Variants in TAPBP observed in about 807,000 individuals in gnomAD.
TAPBP encodes tapasin.
Under a neutral mutation model 45.7 loss-of-function variants are expected in TAPBP, and 38 were observed. That is an observed-to-expected ratio of 0.83 (90% confidence interval 0.64 to 1.09). The LOEUF is 1.09. TAPBP is among the 50% of genes least tolerant of loss of function. TAPBP has a pLI of 0.00. For synonymous variants in TAPBP, 226 were observed against 254.8 expected, an observed-to-expected ratio of 0.89 and a Z score of 1.08; for missense variants, 513 against 587.3, an observed-to-expected ratio of 0.87 and a Z score of 1.31.
intron 3 of TAPBP, among the ~76,000 whole-genome samples, chr6:33,311,362 G>C (rs1769328456): frequency 6.6e-6 from 1 of 152,092 alleles, no homozygotes; most frequent in Non-Finnish European, 1.5e-5. Flanking sequence ...AGGCGCAGTG[G>C]CTCACGCTTG....
At chr6:33,307,086 A>G (rs1308681850) in intron 3 of TAPBP, among the ~76,000 whole-genome samples, 1 of 152,016 alleles carries the variant, frequency 6.6e-6, no homozygotes, top group Non-Finnish European at 1.5e-5. Context: ...TCAGGAGTTC[A>G]AGACCAGCCT....
chr6:33,313,220 T>G lies in TAPBP; in HGVS notation c.466A>C (p.Thr156Pro), dbSNP rs1230503859. 3 of 1,605,764 alleles carry G rather than the reference T, an allele frequency of 1.9e-6. No homozygotes were observed. The highest frequency in any genetic ancestry group is 2.6e-6 in the Non-Finnish European group (3 of 1,173,312). The change falls in exon 3 of 8, where the codon ACA (threonine) becomes CCA (proline). Residue 156 changes from threonine (T) to proline (P), a missense_variant. Physicochemically the swap from Thr to Pro is conservative, Grantham distance 38. Coordinates refer to ENST00000434618, the MANE Select transcript of TAPBP (RefSeq NM_003190.5). The surrounding 1 kb of genome is among the most constrained non-coding windows in gnomAD (Gnocchi z 7.2). ...TCCACCTCCCCTCCCCAGCTACCTG[T>G]TGCCATGGTGATGAGAACAGGCTCC... ...QQEPVLITMA[T>P]VVLTVLTHTP...
At position 33,305,035 on chromosome 6, in the gene TAPBP, G is replaced by C. The variant is rs552626689; in HGVS notation, c.822C>G (p.His274Gln). The change falls in exon 4 of 8, where the codon CAC becomes CAG. Residue 274 changes from histidine to glutamine, a missense_variant. Transcript: ENST00000434618. The surrounding 1 kb of genome is among the most constrained non-coding windows in gnomAD (Gnocchi z 4.4). ...FQEGTYLATI[H>Q]LPYLQGQVTL... ...TGACCTGTCCTTGCAGGTATGGCAG[G>C]TGTATGGTGGCCAGATAGGTGCCCT... 6.2e-7 allele frequency: 1 copy of C among 1,614,206 alleles called. No individual in the cohort carries two copies. Among genetic ancestry groups the C allele is most frequent in the Middle Eastern group, 1.7e-4 (1 of 6,060 alleles).
chr6:33,313,624 G>A lies in TAPBP; in HGVS notation c.208+70C>T. ...GAAGCTGAGGCCTGAGGTCACTGCC[G>A]GATCTAAAGAGGAGGGGGTTTCGGT... On this transcript the variant is annotated intron_variant, in intron 2 of 7. Transcript: ENST00000434618. This position sits in a 1 kb window ranked among gnomAD's most constrained non-coding sequence, Gnocchi z 7.2. The A allele has an allele frequency of 1.3e-6, 2 of 1,563,888 alleles. No individual in the cohort carries two copies. Among genetic ancestry groups the A allele is most frequent in the Non-Finnish European group, 1.7e-6 (2 of 1,152,004 alleles).
Position 33,313,886 on chromosome 6 carries a change from G to C in TAPBP, c.38-22C>G. 1.2e-6 allele frequency: 2 copies of C among 1,613,368 alleles called. No homozygotes were observed. The highest frequency in any genetic ancestry group is 1.7e-6 in the Non-Finnish European group (2 of 1,179,786). On this transcript the variant is annotated intron_variant, in intron 1 of 7. Transcript: ENST00000434618. This position sits in a 1 kb window ranked among gnomAD's most constrained non-coding sequence, Gnocchi z 7.2. ...AGGCCTGGCGTATAGGGACGCGAGT[G>C]AGGAGCGGTTTGTATGTCTGGTGAC... is the stretch of plus-strand genomic sequence containing the variant.
rs1239449531 is a variant in TAPBP at position 33,313,824 on chromosome 6, CT to C, written c.77del (p.Glu26GlyfsTer68). The C allele has an allele frequency of 9.9e-6, 16 of 1,613,920 alleles. No homozygotes were observed. The African/African-American group carries it at 1.6e-4, about 16-fold the overall frequency. ...CGCTCGCATCCTCCACGAACCAACA[CT>C]CGATCACCGCGGGTCCTGCTGAGAC... ...TAVSAGPAVI[E>X]CWFVEDASGK... On this transcript the variant is annotated frameshift_variant, in exon 2 of 8. Transcript: ENST00000434618. LOFTEE classifies it high-confidence loss of function. This position sits in a 1 kb window ranked among gnomAD's most constrained non-coding sequence, Gnocchi z 7.2.
At position 33,301,729 on chromosome 6, in the gene TAPBP, G is replaced by A. The variant is rs767224475; in HGVS notation, c.*31C>T. 6.2e-7 allele frequency: 1 copy of A among 1,603,162 alleles called. No homozygotes were observed. The highest frequency in any genetic ancestry group is 1.1e-5 in the South Asian group (1 of 90,848). On this transcript the variant is annotated 3_prime_UTR_variant, in exon 8 of 8. Coordinates refer to ENST00000434618, the MANE Select transcript of TAPBP (RefSeq NM_003190.5). Reference sequence around the variant, plus strand: ...TACAGAAGCTTGGGCCAGAGATGATGGTGGCTTCCACAGGATGGCAGTGAG... The same window carrying A: ...TACAGAAGCTTGGGCCAGAGATGATAGTGGCTTCCACAGGATGGCAGTGAG...
Position 33,304,554 on chromosome 6 carries a change from G to C in TAPBP, c.953C>G (p.Ser318Cys), listed in dbSNP as rs762671269. The part of the protein sequence containing the change: ...EAPPELLCLV[S>C]HFYPSGGLEV... ...CAGGCCCCCAGAAGGGTAGAAGTGG[G>C]ACACAAGGCAGAGCAATTCCGGGGG... Residue 318 changes from serine to cysteine, a missense_variant, in exon 5 of 8, where the codon TCC becomes TGC. Coordinates refer to ENST00000434618, the MANE Select transcript of TAPBP (RefSeq NM_003190.5). The C allele has an allele frequency of 3.1e-6, 5 of 1,609,954 alleles. No homozygotes were observed. The highest frequency in any genetic ancestry group is 4.2e-6 in the Non-Finnish European group (5 of 1,179,842).
In TAPBP at chr6:33,313,668, G is replaced by A. The variant is rs773831269; in HGVS notation, c.208+26C>T. 1 of 1,596,468 alleles carries A rather than the reference G, an allele frequency of 6.3e-7. No homozygotes were observed. The highest frequency in any genetic ancestry group is 1.7e-5 in the Admixed American group (1 of 59,106). On this transcript the variant is annotated intron_variant, in intron 2 of 7. Transcript: ENST00000434618. This position sits in a 1 kb window ranked among gnomAD's most constrained non-coding sequence, Gnocchi z 7.2. ...TTTCGGTGGAGGCGACAGAGGTAGGGGGGCGGCGAGTCCCTAGAGACTCAC... is the reference window on the plus strand; with the variant it reads ...TTTCGGTGGAGGCGACAGAGGTAGGAGGGCGGCGAGTCCCTAGAGACTCAC...
At chr6:33,303,881 C>T in intron 7 of TAPBP, 74 bp downstream of exon 7, 1 of 1,613,840 alleles carries the variant, frequency 6.2e-7, no homozygotes, top group Non-Finnish European at 8.5e-7. Flanking sequence ...CCAGCAGCCT[C>T]CCTCCATGGG....
chr6:33,308,661 C>T (rs114767372), intron 3 of TAPBP, among the ~76,000 whole-genome samples: 8 of 152,310 alleles, frequency 5.3e-5, no homozygotes, highest in Non-Finnish European at 8.8e-5. Context: ...GGACCACATG[C>T]AGCCAAGGAC....
chr6:33,312,431 AC>A (rs1041020658), intron 3 of TAPBP, among the ~76,000 whole-genome samples: 16 of 152,080 alleles, frequency 1.1e-4, no homozygotes, highest in Admixed American at 7.9e-4. Context: ...CCGGTATTCT[AC>A]CCCGGAATAC....
In TAPBP at chr6:33,313,018, G is replaced by T. The variant is rs865923592; in HGVS notation, c.469+199C>A. 7,375 of 371,438 alleles carry T rather than the reference G, an allele frequency of 0.02. 53 individuals are homozygous for T. Among genetic ancestry groups the T allele is most frequent in the African/African-American group, 0.047 (1,928 of 41,306 alleles). The allele number at this position is 371,438 out of a possible 1,614,324, so 23.0% of individuals were successfully genotyped here. ...CCTGCCAAGCTGCAGTTTTTTTTTT[G>T]TTTTTTTTTTTTAACTGGGTGAGGG... On this transcript the variant is annotated intron_variant, in intron 3 of 7. Coordinates refer to ENST00000434618, the MANE Select transcript of TAPBP (RefSeq NM_003190.5). This position sits in a 1 kb window ranked among gnomAD's most constrained non-coding sequence, Gnocchi z 7.2.
In TAPBP at chr6:33,301,516, G is replaced by T; in HGVS notation, c.*244C>A. On this transcript the variant is annotated 3_prime_UTR_variant, in exon 8 of 8. Transcript: ENST00000434618. ...TTGAACCCAGGAGGCGGAGGTTGCA[G>T]TAAGCCAAGATCATGCCACTGCACT... is the stretch of plus-strand genomic sequence containing the variant. 2.0e-6 allele frequency: 1 copy of T among 503,876 alleles called. No homozygotes were observed. Among genetic ancestry groups the T allele is most frequent in the Non-Finnish European group, 3.5e-6 (1 of 286,710 alleles). The allele number at this position is 503,876 out of a possible 1,614,324, so 31.2% of individuals were successfully genotyped here.
At position 33,313,728 on chromosome 6, in the gene TAPBP, C is replaced by T. The variant is rs45501592; in HGVS notation, c.174G>A (p.Pro58=). 3 of 1,613,248 alleles carry T rather than the reference C, an allele frequency of 1.9e-6. No homozygotes were observed. The highest frequency in any genetic ancestry group is 2.5e-6 in the Non-Finnish European group (3 of 1,179,928). The part of the protein sequence containing the change: ...RQGPGEPPPR[P]DLDPELYLSV... ...TGAGATAGAGCTCAGGGTCGAGGTC[C>T]GGCCGGGGCGGCGGTTCCCCCGGTC... The change falls in exon 2 of 8, where the codon CCG becomes CCA. Residue 58 remains proline (P), a synonymous_variant. Transcript: ENST00000434618. This position sits in a 1 kb window ranked among gnomAD's most constrained non-coding sequence, Gnocchi z 7.2.
At position 33,305,309 on chromosome 6, in the gene TAPBP, G is replaced by A. The variant is rs1280495430; in HGVS notation, c.548C>T (p.Ala183Val). ...GGCCTCGGAGGTGGGGGGCATGTAG[G>A]CAAAGCTCAAGTCCAGCAGAGCATC... ...GQDALLDLSF[A>V]YMPPTSEAAS... The change falls in exon 4 of 8, where the codon GCC (alanine) becomes GTC (valine). Residue 183 changes from alanine to valine, a missense_variant. By Grantham distance (64) the Ala-to-Val change is moderately conservative. Transcript: ENST00000434618. This position sits in a 1 kb window ranked among gnomAD's most constrained non-coding sequence, Gnocchi z 4.4. The A allele has an allele frequency of 6.4e-7, 1 of 1,567,798 alleles. No individual in the cohort carries two copies. The highest frequency in any genetic ancestry group is 2.2e-5 in the East Asian group (1 of 44,640).
At position 33,313,514 on chromosome 6, in the gene TAPBP, C is replaced by T. The variant is rs1310802276; in HGVS notation, c.209-37G>A. On this transcript the variant is annotated intron_variant, in intron 2 of 7. Coordinates refer to ENST00000434618, the MANE Select transcript of TAPBP (RefSeq NM_003190.5). The surrounding 1 kb of genome is among the most constrained non-coding windows in gnomAD (Gnocchi z 7.2). Reference sequence around the variant, plus strand: ...GAAGGAAGTTGCAGCTGTAGAGTCACCGCCGGGAAAGGGGCTGGAAGGGCA... The same window carrying T: ...GAAGGAAGTTGCAGCTGTAGAGTCATCGCCGGGAAAGGGGCTGGAAGGGCA... 6.6e-7 allele frequency: 1 copy of T among 1,519,246 alleles called. No homozygotes were observed. The highest frequency in any genetic ancestry group is 8.8e-7 in the Non-Finnish European group (1 of 1,130,550). The allele number at this position is 1,519,246 out of a possible 1,614,324, so 94.1% of individuals were successfully genotyped here.
chr6:33,303,982 G>T lies in TAPBP; in HGVS notation c.1308C>A (p.Tyr436Ter). The T allele has an allele frequency of 2.5e-6, 4 of 1,613,926 alleles. No individual in the cohort carries two copies. The highest frequency in any genetic ancestry group is 3.4e-6 in the Non-Finnish European group (4 of 1,179,976). Residue 436 changes from tyrosine to a stop codon, truncating the protein, a stop_gained, in exon 7 of 8, where the codon TAC becomes TAA. Transcript: ENST00000434618. LOFTEE classifies it high-confidence loss of function. Reference sequence around the variant, plus strand: ...TCTTTGAATCCTTGCAGGTGGACAGGTAGACAGCTGTGGGGAAAGATTGAG... The same window carrying T: ...TCTTTGAATCCTTGCAGGTGGACAGTTAGACAGCTGTGGGGAAAGATTGAG... ...LFKALGWAAVYLSTCKDSKKK... is the reference protein window; with the variant it reads ...LFKALGWAAV
In TAPBP at chr6:33,305,921, G is replaced by A. The variant is rs1280867938; in HGVS notation, c.470-534C>T. Among the ~76,000 whole-genome samples the A allele has an allele frequency of 6.6e-6, 1 of 152,184 alleles. No homozygotes were observed. The highest frequency in any genetic ancestry group is 6.5e-5 in the Admixed American group (1 of 15,286). Reference sequence around the variant, plus strand: ...AAGCAGTACAGTGCAGTGGCTAAGTGCCTGGAGCCTGGCTGACCGGGTTCA... The same window carrying A: ...AAGCAGTACAGTGCAGTGGCTAAGTACCTGGAGCCTGGCTGACCGGGTTCA... On this transcript the variant is annotated intron_variant, in intron 3 of 7. Coordinates refer to ENST00000434618, the MANE Select transcript of TAPBP (RefSeq NM_003190.5). The surrounding 1 kb of genome is among the most constrained non-coding windows in gnomAD (Gnocchi z 4.4).
Sources: gnomAD v4.1 joint callset for allele counts (sites outside exome capture counted in the v4.1 genomes callset) on GRCh38, gnomAD v4.1.1 for gene constraint, Gnocchi (gnomAD v3.1) non-coding constraint, MANE v1.5 for transcripts, NCBI Gene and HGNC (gene_info 2026-07-23, HGNC 2026-07-21) for gene names.